NKD1: variants seen among roughly 807,000 people sequenced by gnomAD.
NKD1 encodes the protein protein naked cuticle homolog 1.
NKD1 carries 21 observed loss-of-function variants against 56.0 expected under a neutral mutation model. The ratio of observed to expected loss-of-function variants is 0.38; its 90% confidence interval spans 0.27 to 0.54. The LOEUF (loss-of-function observed/expected upper bound fraction) is 0.54, where lower values mean the gene tolerates loss of function less well. Among genes scored for constraint, NKD1 ranks in the 20% least tolerant of loss-of-function variants. The pLI is 0.82. For missense variants in NKD1, 578 were observed against 642.7 expected (o/e 0.90, Z 1.09); for synonymous variants, 263 against 265.7 (o/e 0.99, Z 0.10).
At chr16:50,619,251 A>G (rs1962033326) in intron 4 of NKD1, among the ~76,000 whole-genome samples, 1 of 151,522 alleles carries the variant, frequency 6.6e-6, no homozygotes, top group African/African-American at 2.4e-5. Context: ...GCAGGCCGTG[A>G]TATTACTCTG....
chr16:50,564,777 A>C (rs1156545312), intron 3 of NKD1, among the ~76,000 whole-genome samples: 1 of 152,176 alleles, frequency 6.6e-6, no homozygotes, highest in Admixed American at 6.5e-5. Context: ...CCCTTCAGAA[A>C]GGGTCCTCAC....
At chr16:50,574,396 CCT>C in intron 3 of NKD1, 1 of 985,410 alleles carries the variant, frequency 1.0e-6, no homozygotes, top group Non-Finnish European at 1.2e-6. Flanking sequence ...TCACTGGTGT[CCT>C]GGCTGAGTCG....
chr16:50,620,268 T>C (rs948283107), intron 4 of NKD1, among the ~76,000 whole-genome samples: 1 of 152,264 alleles, frequency 6.6e-6, no homozygotes, highest in Non-Finnish European at 1.5e-5. Flanking sequence ...TGGGGGCATC[T>C]CCACTGTGCC....
intron 3 of NKD1, among the ~76,000 whole-genome samples, chr16:50,569,256 C>G (rs1430272174): frequency 6.6e-6 from 1 of 152,224 alleles, no homozygotes; most frequent in Non-Finnish European, 1.5e-5. Flanking sequence ...CAGCTTCATG[C>G]TACAGCGTTT....
Position 50,597,088 on chromosome 16 carries a change from G to A in NKD1, c.193-11206G>A, listed in dbSNP as rs1961488980. ...CTTTGGGGAATTGGGTAGGGGTTGGGGTGGCGACGAGGGCAGAGAATAGAA... is the reference window on the plus strand; with the variant it reads ...CTTTGGGGAATTGGGTAGGGGTTGGAGTGGCGACGAGGGCAGAGAATAGAA... On this transcript the variant is annotated intron_variant, in intron 3 of 9. Transcript: ENST00000268459. Among the ~76,000 whole-genome samples the A allele has an allele frequency of 3.3e-5, 5 of 152,132 alleles. No individual in the cohort carries two copies. The South Asian group carries it at 1.0e-3, about 32-fold the overall frequency.
chr16:50,606,958 G>A, intron 3 of NKD1: 1 of 456,770 alleles, frequency 2.2e-6, no homozygotes, highest in Non-Finnish European at 4.4e-6. Context: ...CAGCTCCCCT[G>A]TCAACTCGGG....
intron 3 of NKD1, chr16:50,553,817 A>G (rs995446472): frequency 1.4e-4 from 22 of 152,352 alleles, no homozygotes; most frequent in African/African-American, 5.1e-4. Flanking sequence ...GGCATTTTCG[A>G]GTTCTCCAGG....
chr16:50,634,727 C>G lies in NKD1; in HGVS notation c.*946C>G, dbSNP rs951140895. 6.6e-6 allele frequency: 1 copy of G among 152,448 alleles called. No individual in the cohort carries two copies. The highest frequency in any genetic ancestry group is 3.4e-3 in the Middle Eastern group (1 of 294). 9.4% of individuals were successfully genotyped at this position (152,448 alleles called of 1,614,324 possible). On this transcript the variant is annotated 3_prime_UTR_variant, in exon 10 of 10. Coordinates refer to ENST00000268459, the MANE Select transcript of NKD1 (RefSeq NM_033119.5). ...TCTATAAATATACACTCTCAGGTAT[C>G]TTTTCTGGTGTGTATAAATCAGTGG...
intron 3 of NKD1, among the ~76,000 whole-genome samples, chr16:50,595,452 C>A (rs548191362): frequency 7.9e-5 from 12 of 152,260 alleles, no homozygotes; most frequent in African/African-American, 2.9e-4. Context: ...TCTGGCCTGG[C>A]CTGATGCTGG....
intron 3 of NKD1, chr16:50,570,872 G>A (rs1437517457): frequency 1.0e-6 from 1 of 985,332 alleles, no homozygotes; most frequent in Non-Finnish European, 1.2e-6. Context: ...TGCTGAGGGT[G>A]GAATGTGGCT....
rs1962709384 is a variant in NKD1, at chr16:50,647,872, A to C, written c.*14091A>C. On this transcript the variant is annotated 3_prime_UTR_variant, in exon 10 of 10. Transcript: ENST00000268459. ...TAGAAGGACCTCAAAGGAAAAGGTG[A>C]GGGGTTTGGACATTTCCTGAGAATC... The C allele has an allele frequency of 6.6e-6, 1 of 152,192 alleles. No individual in the cohort carries two copies. Among genetic ancestry groups the C allele is most frequent in the Non-Finnish European group, 1.5e-5 (1 of 68,042 alleles). 9.4% of individuals were successfully genotyped at this position (152,192 alleles called of 1,614,324 possible). A position where few individuals can be genotyped will look rare whatever the true frequency, so the allele number is the denominator to read the frequency against.
chr16:50,620,950 G>A (rs1263485384), intron 4 of NKD1, among the ~76,000 whole-genome samples: 1 of 152,292 alleles, frequency 6.6e-6, no homozygotes, highest in Non-Finnish European at 1.5e-5. Context: ...TGCCTTTTGT[G>A]TATGTGTGAG....
intron 3 of NKD1, among the ~76,000 whole-genome samples, chr16:50,550,712 G>A (rs1416944770): frequency 6.6e-6 from 1 of 151,996 alleles, no homozygotes; most frequent in Non-Finnish European, 1.5e-5. Flanking sequence ...TGCAGTTGGG[G>A]CCCTTTAAAA....
At chr16:50,609,260 A>G (rs776802080) in intron 4 of NKD1, among the ~76,000 whole-genome samples, 1 of 152,226 alleles carries the variant, frequency 6.6e-6, no homozygotes, top group Non-Finnish European at 1.5e-5. Context: ...CTCAGCTTCC[A>G]CATCTATAGA....
At chr16:50,615,833 A>G (rs966023729) in intron 4 of NKD1, among the ~76,000 whole-genome samples, 2 of 152,244 alleles carry the variant, frequency 1.3e-5, no homozygotes, top group South Asian at 2.1e-4. Flanking sequence ...CAGCCTCTCC[A>G]TGCAGCCCAC....
chr16:50,574,942 A>G (rs950591765), intron 3 of NKD1: 54 of 985,278 alleles, frequency 5.5e-5, no homozygotes, highest in Non-Finnish European at 6.5e-5. Flanking sequence ...TTTTCCCTTT[A>G]AACATCAGAA....
intron 3 of NKD1, among the ~76,000 whole-genome samples, chr16:50,586,701 C>G (rs1228203981): frequency 1.3e-5 from 2 of 152,190 alleles, no homozygotes; most frequent in South Asian, 4.1e-4. Context: ...TTCAACCCAT[C>G]AAGACTGACT....
intron 3 of NKD1, among the ~76,000 whole-genome samples, chr16:50,588,447 A>C (rs1032700209): frequency 2.6e-5 from 4 of 152,058 alleles, no homozygotes; most frequent in African/African-American, 9.7e-5. Context: ...ATCTGACCCC[A>C]CTGGGCTGAG....
At chr16:50,571,111 C>A in intron 3 of NKD1, 1 of 538,878 alleles carries the variant, frequency 1.9e-6, no homozygotes, top group Non-Finnish European at 2.4e-6. Flanking sequence ...GAAGGAGGGG[C>A]TGCCCATGGC....
Sources: allele counts gnomAD v4.1 joint callset (sites outside exome capture counted in the v4.1 genomes callset), GRCh38; gene constraint gnomAD v4.1.1; transcripts MANE v1.5; gene names NCBI Gene and HGNC (gene_info 2026-07-23, HGNC 2026-07-21).